CCDC138: variants seen among roughly 807,000 people sequenced by gnomAD.
CCDC138 encodes the protein coiled-coil domain-containing protein 138.
A neutral mutation model predicts 82.3 loss-of-function variants in CCDC138; 66 were observed. The ratio of observed to expected loss-of-function variants is 0.80; its 90% CI spans 0.66 to 0.98. CCDC138 has a LOEUF of 0.98. CCDC138 is among the 50% of genes least tolerant of loss of function. CCDC138 has a pLI of 0.00. For synonymous variants in CCDC138, 297 were observed against 265.4 expected (o/e 1.12, Z -1.16); for missense variants, 816 against 758.9 (o/e 1.08, Z -0.88).
chr2:108,828,682 T>C (rs1455046694), intron 10 of CCDC138, among the ~76,000 whole-genome samples: 1 of 152,148 alleles, frequency 6.6e-6, no homozygotes, highest in Non-Finnish European at 1.5e-5. Flanking sequence ...TTATACGATA[T>C]GTAAAATTTA....
chr2:108,840,993 G>A (rs10206055), intron 11 of CCDC138, among the ~76,000 whole-genome samples: 2 of 151,318 alleles, frequency 1.3e-5, no homozygotes, highest in African/African-American at 4.9e-5. Context: ...TGTGTTTTTT[G>A]TGTGTGTGTT....
In CCDC138 at chr2:108,821,711, G is replaced by GA. The variant is rs146057563; in HGVS notation, c.1206+5607dup. Among the ~76,000 whole-genome samples the GA allele has an allele frequency of 3.2e-3, 479 of 151,942 alleles. 1 individual carries two copies. The highest frequency in any genetic ancestry group is 0.011 in the African/African-American group (438 of 41,432). ...TCCAATCCCAGTACTTTGGGAGGCTGAGACAGGTGGATTATCTGAGGTCAG... is the reference window on the plus strand; with the variant it reads ...TCCAATCCCAGTACTTTGGGAGGCTGAAGACAGGTGGATTATCTGAGGTCAG... On this transcript the variant is annotated intron_variant, in intron 10 of 14. Coordinates refer to ENST00000295124, the MANE Select transcript of CCDC138 (RefSeq NM_144978.3).
At chr2:108,842,734 A>G (rs112051917) in intron 11 of CCDC138, among the ~76,000 whole-genome samples, 3 of 152,176 alleles carry the variant, frequency 2.0e-5, no homozygotes, top group African/African-American at 7.2e-5. Context: ...TGGGGATTTA[A>G]AACTGGAAAC....
chr2:108,835,641 C>G (rs901312330), intron 10 of CCDC138, among the ~76,000 whole-genome samples: 24 of 152,196 alleles, frequency 1.6e-4, no homozygotes, highest in African/African-American at 3.9e-4. Flanking sequence ...TATAATTTCT[C>G]AAACTGTGAC....
At chr2:108,880,095 C>T (rs1337632121), downstream of CCDC138, among the ~76,000 whole-genome samples, 2 of 151,180 alleles carry the variant, frequency 1.3e-5, no homozygotes, top group Non-Finnish European at 2.9e-5. Flanking sequence ...TTTTAAAAAA[C>T]AGAAATCAAT....
At chr2:108,852,976 T>A (rs1453639563) in intron 12 of CCDC138, among the ~76,000 whole-genome samples, 1 of 152,206 alleles carries the variant, frequency 6.6e-6, no homozygotes, top group Non-Finnish European at 1.5e-5. Flanking sequence ...ACAATTTTGT[T>A]TGTATCAAAG....
At chr2:108,836,314 C>A (rs1481694185) in intron 10 of CCDC138, among the ~76,000 whole-genome samples, 1 of 152,136 alleles carries the variant, frequency 6.6e-6, no homozygotes, top group Admixed American at 6.5e-5. Context: ...AAGGTTCGTC[C>A]ATGTTGTAGC....
At chr2:108,872,325 T>G (rs779037377) in intron 13 of CCDC138, among the ~76,000 whole-genome samples, 8 of 152,094 alleles carry the variant, frequency 5.3e-5, no homozygotes, top group Non-Finnish European at 1.0e-4. Flanking sequence ...ACCCCAAAAT[T>G]CTTAACTCGT....
At chr2:108,843,294 A>T (rs1380849087) in intron 11 of CCDC138, among the ~76,000 whole-genome samples, 1 of 152,022 alleles carries the variant, frequency 6.6e-6, no homozygotes, top group Non-Finnish European at 1.5e-5. Flanking sequence ...AGTAGCTGGG[A>T]TTACAGGCGC....
intron 6 of CCDC138, among the ~76,000 whole-genome samples, chr2:108,800,716 C>T (rs547976637): frequency 3.8e-4 from 42 of 110,812 alleles, no homozygotes; most frequent in African/African-American, 1.3e-3. Flanking sequence ...CATGCTGGTG[C>T]GCTGCACCCA....
At chr2:108,864,903 C>G (rs1352802166) in intron 13 of CCDC138, among the ~76,000 whole-genome samples, 1 of 151,488 alleles carries the variant, frequency 6.6e-6, no homozygotes, top group Non-Finnish European at 1.5e-5. Flanking sequence ...CAACGTTGTA[C>G]TGAGCTATTA....
chr2:108,802,961 T>C (rs1231295616), intron 6 of CCDC138, among the ~76,000 whole-genome samples: 1 of 152,226 alleles, frequency 6.6e-6, no homozygotes, highest in Non-Finnish European at 1.5e-5. Context: ...GAACCAGCCT[T>C]GCATCCCAGG....
chr2:108,852,295 CTGTT>C (rs1443701174), intron 12 of CCDC138, among the ~76,000 whole-genome samples: 1 of 152,194 alleles, frequency 6.6e-6, no homozygotes, highest in East Asian at 1.9e-4. Flanking sequence ...CACTTGTACA[CTGTT>C]TGTGGGAGTG....
chr2:108,791,939 A>G lies in CCDC138; in HGVS notation c.394+137A>G, dbSNP rs1311529719. The G allele has an allele frequency of 3.3e-5, 29 of 868,104 alleles. No individual in the cohort carries two copies. The East Asian group carries it at 6.5e-4, about 19-fold the overall frequency. 53.8% of individuals were successfully genotyped at this position (868,104 alleles called of 1,614,324 possible). A position where few individuals can be genotyped will look rare whatever the true frequency, so the allele number is the denominator to read the frequency against. ...GTTCTGAACTTCTGTAAGCTAGGAG[A>G]TAGTTACTGTGCTTATTATTAAACT... On this transcript the variant is annotated intron_variant, in intron 4 of 14. Coordinates refer to ENST00000295124, the MANE Select transcript of CCDC138 (RefSeq NM_144978.3).
downstream of CCDC138, among the ~76,000 whole-genome samples, chr2:108,880,964 A>G (rs1200642484): frequency 6.6e-6 from 1 of 152,254 alleles, no homozygotes; most frequent in Non-Finnish European, 1.5e-5. Flanking sequence ...CAAAATATCA[A>G]CATTAACAGG....
At chr2:108,838,506 C>T (rs938820303) in intron 10 of CCDC138, among the ~76,000 whole-genome samples, 1 of 152,026 alleles carries the variant, frequency 6.6e-6, no homozygotes, top group Non-Finnish European at 1.5e-5. Context: ...CTTCTTAAAT[C>T]GATTTTCTTA....
chr2:108,841,289 T>C (rs1014474210), intron 11 of CCDC138, among the ~76,000 whole-genome samples: 2 of 152,228 alleles, frequency 1.3e-5, no homozygotes, highest in Admixed American at 1.3e-4. Context: ...TGGTTGATGG[T>C]GTTTGTGAGT....
chr2:108,809,127 A>C (rs749447177), intron 7 of CCDC138, among the ~76,000 whole-genome samples: 18 of 152,018 alleles, frequency 1.2e-4, no homozygotes, highest in Non-Finnish European at 2.5e-4. Flanking sequence ...GTTGGCTGTA[A>C]ATGTGTGGAT....
chr2:108,798,396 C>A, intron 5 of CCDC138, 32 bp from the exon 6 acceptor site: 1 of 1,585,412 alleles, frequency 6.3e-7, no homozygotes, highest in South Asian at 1.1e-5. Context: ...TGTGACTTTT[C>A]AAGAGCATTA....
Sources: gnomAD v4.1 joint callset for allele counts (sites outside exome capture counted in the v4.1 genomes callset) on GRCh38, gnomAD v4.1.1 for gene constraint, MANE v1.5 for transcripts, NCBI Gene and HGNC (gene_info 2026-07-23, HGNC 2026-07-21) for gene names.